Variants in RMDN2 observed in about 807,000 individuals in gnomAD.
RMDN2 encodes regulator of microtubule dynamics 2.
RMDN2 carries 61 observed loss-of-function variants against 52.8 expected under a neutral mutation model. That is an observed-to-expected ratio of 1.16 (90% CI 0.94 to 1.43). The LOEUF (loss-of-function observed/expected upper bound fraction) is 1.43. Ranked by LOEUF, RMDN2 falls within the 40% of genes most tolerant of loss-of-function variation. RMDN2 has a pLI of 0.00. For missense variants in RMDN2, 592 were observed against 475.3 expected (o/e 1.25, Z -2.28); for synonymous variants, 180 against 153.1 (o/e 1.18, Z -1.30).
intron 4 of RMDN2, among the ~76,000 whole-genome samples, chr2:37,978,933 C>G (rs888835645): frequency 1.9e-4 from 29 of 152,112 alleles, no homozygotes; most frequent in African/African-American, 7.0e-4. Flanking sequence ...TAAAATCGCT[C>G]TGGATCTCTA....
intron 2 of RMDN2, among the ~76,000 whole-genome samples, chr2:37,939,716 C>CT (rs1332943370): frequency 2.6e-5 from 4 of 152,090 alleles, no homozygotes. Flanking sequence ...GCAAACCCTG[C>CT]TTTTTTTAGC....
intron 2 of RMDN2, chr2:37,952,127 G>T: frequency 6.2e-7 from 1 of 1,613,162 alleles, no homozygotes. Context: ...CTTCAGGCCT[G>T]TTTGAAGATG....
chr2:38,039,759 C>T (rs529586365), intron 10 of RMDN2, among the ~76,000 whole-genome samples: 1 of 152,282 alleles, frequency 6.6e-6, no homozygotes, highest in South Asian at 2.1e-4. Context: ...GCCCTGCCCT[C>T]CCATGAACCT....
At chr2:37,975,972 G>C (rs1223273074) in intron 4 of RMDN2, among the ~76,000 whole-genome samples, 1 of 152,126 alleles carries the variant, frequency 6.6e-6, no homozygotes, top group Non-Finnish European at 1.5e-5. Context: ...AACAATAACA[G>C]GCAGAGGACA....
chr2:38,053,847 G>T (rs1681737080), intron 10 of RMDN2, among the ~76,000 whole-genome samples: 1 of 152,104 alleles, frequency 6.6e-6, no homozygotes, highest in Non-Finnish European at 1.5e-5. Flanking sequence ...AAACTCACAA[G>T]CATTATTTTT....
downstream of RMDN2, among the ~76,000 whole-genome samples, chr2:38,021,490 G>C (rs1679374783): frequency 6.6e-6 from 1 of 152,106 alleles, no homozygotes; most frequent in Non-Finnish European, 1.5e-5. Flanking sequence ...CACCGCGAAG[G>C]TCTGCAGCTT....
intron 10 of RMDN2, among the ~76,000 whole-genome samples, chr2:38,044,995 A>T (rs1681183997): frequency 6.7e-6 from 1 of 148,406 alleles, no homozygotes; most frequent in Non-Finnish European, 1.5e-5. Context: ...TCAAGCTCTT[A>T]TTCTAGATAT....
intron 10 of RMDN2, chr2:38,036,039 G>C (rs925261144): frequency 3.3e-5 from 5 of 151,834 alleles, no homozygotes; most frequent in Non-Finnish European, 5.9e-5. Flanking sequence ...AAAAAAAAAA[G>C]ATAAGAGGAA....
chr2:38,025,305 A>G (rs1455758860), intron 10 of RMDN2, among the ~76,000 whole-genome samples: 1 of 152,078 alleles, frequency 6.6e-6, no homozygotes, highest in South Asian at 2.1e-4. Flanking sequence ...TATTGTATAT[A>G]GAAATGCAGT....
chr2:37,990,827 T>C (rs967467926), intron 6 of RMDN2, among the ~76,000 whole-genome samples: 2 of 152,138 alleles, frequency 1.3e-5, no homozygotes, highest in African/African-American at 4.8e-5. Flanking sequence ...GAGGAATAGG[T>C]TTCTCCCCCA....
chr2:38,030,052 C>T (rs1038943388), intron 10 of RMDN2: 1 of 152,126 alleles, frequency 6.6e-6, no homozygotes, highest in Non-Finnish European at 1.5e-5. Flanking sequence ...TCAGTTACCT[C>T]CCACCAGGTC....
chr2:38,013,161 C>G (rs915187615), intron 10 of RMDN2, among the ~76,000 whole-genome samples: 12 of 152,178 alleles, frequency 7.9e-5, no homozygotes, highest in African/African-American at 2.7e-4. Flanking sequence ...ATTTCTGTGT[C>G]TAAGACAGTG....
chr2:38,058,839 C>T (rs76775585), intron 10 of RMDN2, among the ~76,000 whole-genome samples: 4,678 of 152,240 alleles, frequency 0.031, 230 homozygotes, highest in African/African-American at 0.1. Flanking sequence ...CATTGGAAAA[C>T]GCAAATCTCT....
At chr2:37,987,097 G>T (rs546180287) in intron 5 of RMDN2, among the ~76,000 whole-genome samples, 1 of 151,900 alleles carries the variant, frequency 6.6e-6, no homozygotes. Context: ...AAATCTCTTG[G>T]GATTAAGCAA....
intron 10 of RMDN2, among the ~76,000 whole-genome samples, chr2:38,062,434 T>C (rs371107149): frequency 1.3e-5 from 2 of 152,318 alleles, no homozygotes; most frequent in East Asian, 1.9e-4. Context: ...TAGTATTCCA[T>C]TGGGTGGATG....
intron 10 of RMDN2, among the ~76,000 whole-genome samples, chr2:38,009,782 C>T (rs551860667): frequency 1.9e-3 from 283 of 152,250 alleles, no homozygotes; most frequent in Non-Finnish European, 2.5e-3. Flanking sequence ...GGAGGAGAGG[C>T]GCTCTGATTT....
At chr2:38,018,673 A>G (rs1274256156), downstream of RMDN2, among the ~76,000 whole-genome samples, 2 of 152,264 alleles carry the variant, frequency 1.3e-5, no homozygotes, top group African/African-American at 4.8e-5. Context: ...GGTGGGGAAT[A>G]CACTAAAATA....
intron 1 of RMDN2, among the ~76,000 whole-genome samples, chr2:37,928,513 C>T (rs1202476107): frequency 1.3e-5 from 2 of 152,182 alleles, no homozygotes; most frequent in African/African-American, 4.8e-5. Flanking sequence ...ATTCACACTC[C>T]CAGCTATTTA....
intron 2 of RMDN2, among the ~76,000 whole-genome samples, chr2:37,947,337 A>G (rs1482227177): frequency 1.3e-5 from 2 of 152,192 alleles, no homozygotes; most frequent in South Asian, 2.1e-4. Context: ...ATTAATTTTA[A>G]TAAACTTCTT....
Sources: allele counts gnomAD v4.1 joint callset (sites outside exome capture counted in the v4.1 genomes callset), GRCh38; gene constraint gnomAD v4.1.1; transcripts MANE v1.5; gene names NCBI Gene and HGNC (gene_info 2026-07-23, HGNC 2026-07-21).